CCAR1: variants seen among roughly 807,000 people sequenced by gnomAD.
CCAR1 encodes cell division cycle and apoptosis regulator protein 1.
CCAR1 carries 78 observed loss-of-function variants against 163.8 expected under a neutral mutation model. The ratio of observed to expected loss-of-function variants is 0.48; its 90% CI spans 0.40 to 0.57. The LOEUF (loss-of-function observed/expected upper bound fraction) is 0.57. Among genes scored for constraint, CCAR1 ranks in the 20% least tolerant of loss-of-function variants. CCAR1 has a pLI of 0.00. For missense variants in CCAR1, 1,019 were observed against 1,365.2 expected (o/e 0.75, Z 4.00); for synonymous variants, 443 against 460.7 (o/e 0.96, Z 0.49).
rs1161847175 is a variant in CCAR1, at chr10:68,756,748, C to G, written c.1836+265C>G. 2 of 484,002 alleles carry G rather than the reference C, an allele frequency of 4.1e-6. No homozygotes were observed. Among genetic ancestry groups the G allele is most frequent in the Non-Finnish European group, 7.6e-6 (2 of 263,986 alleles). The allele number at this position is 484,002 out of a possible 1,614,324, so 30.0% of individuals were successfully genotyped here. The stretch of plus-strand genomic sequence containing the variant: ...ACAGAATTTTGTTTTTATCATAGGT[C>G]TAGTTGCTGGAATCTGGGACCAGTT... On this transcript the variant is annotated intron_variant, in intron 14 of 24. Transcript: ENST00000265872. The surrounding 1 kb of genome is among the most constrained non-coding windows in gnomAD (Gnocchi z 5.1).
At chr10:68,750,214 C>CTTTTTT (rs58204351) in intron 10 of CCAR1, among the ~76,000 whole-genome samples, 3 of 53,004 alleles carry the variant, frequency 5.7e-5, no homozygotes, top group African/African-American at 1.4e-4. Context: ...TTTCTTTTTT[C>CTTTTTT]TTTTTTTTTT....
chr10:68,755,084 A>T, intron 12 of CCAR1: 2 of 641,122 alleles, frequency 3.1e-6, no homozygotes, highest in African/African-American at 1.8e-5. Context: ...TGGTAATAGG[A>T]TTCAGAGTGT....
At chr10:68,733,366 C>T (rs12764017) in intron 2 of CCAR1, among the ~76,000 whole-genome samples, 14,811 of 152,128 alleles carry the variant, frequency 0.097, 900 homozygotes, top group South Asian at 0.15. Context: ...AGCCAAGATT[C>T]TGCCGCTGCA....
chr10:68,747,444 C>G lies in CCAR1; in HGVS notation c.704C>G (p.Thr235Arg). 6.2e-7 allele frequency: 1 copy of G among 1,614,108 alleles called. No individual in the cohort carries two copies. Among genetic ancestry groups the G allele is most frequent in the Non-Finnish European group, 8.5e-7 (1 of 1,179,984 alleles). ...CTTCAGCCAATTGCACCACAGACAACATTTGGTGTTCAGACTCAGCCCCAG... is the reference window on the plus strand; with the variant it reads ...CTTCAGCCAATTGCACCACAGACAAGATTTGGTGTTCAGACTCAGCCCCAG... ...AVLQPIAPQT[T>R]FGVQTQPQPQ... is the part of the protein sequence containing the mutation. Residue 235 changes from threonine to arginine, a missense_variant, in exon 8 of 25, where the codon ACA becomes AGA. Coordinates refer to ENST00000265872, the MANE Select transcript of CCAR1 (RefSeq NM_018237.4).
Position 68,773,086 on chromosome 10 carries a change from G to T in CCAR1, c.2637G>T (p.Glu879Asp). 1 of 1,519,398 alleles carries T rather than the reference G, an allele frequency of 6.6e-7. No individual in the cohort carries two copies. Among genetic ancestry groups the T allele is most frequent in the South Asian group, 1.2e-5 (1 of 81,436 alleles). 94.1% of individuals were successfully genotyped at this position (1,519,398 alleles called of 1,614,324 possible). ...EYDPMEAEEA[E>D]DEEDDRDEEE... ...ACCCTATGGAAGCAGAAGAAGCTGA[G>T]GATGAAGAAGATGGTATGATTGAAA... The change falls in exon 19 of 25, where the codon GAG (glutamate) becomes GAT (aspartate). Residue 879 changes from glutamate (E) to aspartate (D), a missense_variant. Physicochemically the swap from Glu to Asp is conservative, Grantham distance 45. This residue lies in a region of CCAR1 where 358 missense variants were observed against 406.4 expected (regional missense o/e 0.88). Coordinates refer to ENST00000265872, the MANE Select transcript of CCAR1 (RefSeq NM_018237.4).
intron 15 of CCAR1, among the ~76,000 whole-genome samples, chr10:68,760,212 T>C (rs1231301750): frequency 6.6e-6 from 1 of 151,282 alleles, no homozygotes; most frequent in Non-Finnish European, 1.5e-5. Context: ...TGGAGTGCAG[T>C]GCATAGTTCA....
chr10:68,742,236 C>A, intron 5 of CCAR1, 140 bp from the exon 6 acceptor site: 1 of 583,062 alleles, frequency 1.7e-6, no homozygotes, highest in South Asian at 2.8e-5. Flanking sequence ...TAATTTTAGA[C>A]CTGACTCTCA....
chr10:68,761,250 C>A, intron 16 of CCAR1, 58 bp downstream of exon 16: 2 of 901,436 alleles, frequency 2.2e-6, no homozygotes, highest in Non-Finnish European at 3.1e-6. Context: ...ATAGGGTGTT[C>A]TTGGAATACG....
At position 68,792,052 on chromosome 10, in the gene CCAR1, CAA is replaced by C. The variant is rs1392332266; in HGVS notation, c.*787_*788del. 4 of 144,804 alleles carry C rather than the reference CAA, an allele frequency of 2.8e-5. No homozygotes were observed. Among genetic ancestry groups the C allele is most frequent in the Non-Finnish European group, 6.0e-5 (4 of 66,734 alleles). The allele number at this position is 144,804 out of a possible 1,614,324, so 9.0% of individuals were successfully genotyped here. A position where few individuals can be genotyped will look rare whatever the true frequency, so the allele number is the denominator to read the frequency against. On this transcript the variant is annotated 3_prime_UTR_variant, in exon 25 of 25. Coordinates refer to ENST00000265872, the MANE Select transcript of CCAR1 (RefSeq NM_018237.4). ...TGCAGCTACACTCCAGCCTGGGCGA[CAA>C]GAGTGAAACTCCATCTCAAAAAGAA...
intron 12 of CCAR1, 58 bp downstream of exon 12, chr10:68,754,885 T>C: frequency 2.2e-6 from 2 of 926,044 alleles, no homozygotes; most frequent in East Asian, 2.4e-5. Context: ...GCTGTAACTT[T>C]GTACACATAA....
At chr10:68,790,177 A>G (rs974302322) in intron 24 of CCAR1, among the ~76,000 whole-genome samples, 7 of 152,042 alleles carry the variant, frequency 4.6e-5, no homozygotes, top group African/African-American at 1.7e-4. Context: ...AACGTGGTGA[A>G]ACCCCATGTC....
At chr10:68,727,841 T>C (rs543504614) in intron 2 of CCAR1, among the ~76,000 whole-genome samples, 1 of 152,296 alleles carries the variant, frequency 6.6e-6, no homozygotes, top group African/African-American at 2.4e-5. Flanking sequence ...ACATGGAGTC[T>C]CGCTCTGTCT....
chr10:68,776,186 A>G (rs4746787), intron 19 of CCAR1, among the ~76,000 whole-genome samples: 4,873 of 151,534 alleles, frequency 0.032, 178 homozygotes, highest in African/African-American at 0.086. Context: ...CCATTCTCCT[A>G]GCTTTAAATG....
At chr10:68,787,553 C>T (rs1276050118) in intron 21 of CCAR1, among the ~76,000 whole-genome samples, 3 of 151,834 alleles carry the variant, frequency 2.0e-5, no homozygotes, top group Non-Finnish European at 4.4e-5. Context: ...GTGAAAATTA[C>T]AGCTGGGCAT....
At chr10:68,729,426 C>T (rs1019481072) in intron 2 of CCAR1, among the ~76,000 whole-genome samples, 17 of 151,798 alleles carry the variant, frequency 1.1e-4, no homozygotes, top group East Asian at 7.8e-4. Context: ...CCTGCCACCA[C>T]GCCCGGCTAA....
At chr10:68,776,925 A>G (rs915936240) in intron 19 of CCAR1, among the ~76,000 whole-genome samples, 1 of 152,184 alleles carries the variant, frequency 6.6e-6, no homozygotes, top group African/African-American at 2.4e-5. Context: ...GTTATCTGGC[A>G]TTTCAAAATC....
intron 6 of CCAR1, among the ~76,000 whole-genome samples, chr10:68,745,574 C>G (rs540588531): frequency 5.3e-5 from 8 of 152,044 alleles, no homozygotes; most frequent in African/African-American, 1.9e-4. Context: ...AACAATTCTC[C>G]TGCCTCAGCC....
intron 6 of CCAR1, among the ~76,000 whole-genome samples, chr10:68,745,764 G>A (rs1049387076): frequency 3.3e-5 from 5 of 151,232 alleles, no homozygotes; most frequent in African/African-American, 1.2e-4. Flanking sequence ...ACAACGCCCG[G>A]CAACTATTTT....
rs201151573 is a variant in CCAR1 at position 68,749,017 on chromosome 10, T to G, written c.827-119T>G. On this transcript the variant is annotated intron_variant, in intron 8 of 24. Coordinates refer to ENST00000265872, the MANE Select transcript of CCAR1 (RefSeq NM_018237.4). Reference sequence around the variant, plus strand: ...AAAAATATATATAAATTAGGCCAACTTTGAAAAAACAATTTTAGTCACTCT... The same window carrying G: ...AAAAATATATATAAATTAGGCCAACGTTGAAAAAACAATTTTAGTCACTCT... 32 of 1,238,914 alleles carry G rather than the reference T, an allele frequency of 2.6e-5. No homozygotes were observed. In the East Asian group the frequency reaches 7.8e-4, roughly 30 times the overall value. 76.7% of individuals were successfully genotyped at this position (1,238,914 alleles called of 1,614,324 possible).
Sources: gnomAD v4.1 joint callset for allele counts (sites outside exome capture counted in the v4.1 genomes callset) on GRCh38, gnomAD v4.1.1 for gene constraint, gnomAD v4.1.1 regional missense constraint, Gnocchi (gnomAD v3.1) non-coding constraint, MANE v1.5 for transcripts, NCBI Gene and HGNC (gene_info 2026-07-23, HGNC 2026-07-21) for gene names.